The following CC2D2B variants were observed in gnomAD, a reference collection of about 807,000 sequenced individuals.
CC2D2B encodes the protein protein CC2D2B.
CC2D2B carries 128 observed loss-of-function variants against 161.2 expected under a neutral mutation model. The ratio of observed to expected loss-of-function variants is 0.79; its 90% confidence interval spans 0.69 to 0.92. The LOEUF is 0.92. CC2D2B is among the 40% of genes least tolerant of loss of function. The pLI is 0.00. For synonymous variants in CC2D2B, 391 were observed against 449.8 expected (o/e 0.87, Z 1.65); for missense variants, 1,173 against 1,375.1 (o/e 0.85, Z 2.32).
chr10:95,979,771 A>G (rs569344651), intron 17 of CC2D2B, among the ~76,000 whole-genome samples: 1 of 152,226 alleles, frequency 6.6e-6, no homozygotes, highest in Non-Finnish European at 1.5e-5. Flanking sequence ...ATGCAATGCA[A>G]TGGTTTTAAT....
intron 7 of CC2D2B, 82 bp downstream of exon 7, chr10:95,938,271 TA>T (rs2075897621): frequency 2.3e-6 from 2 of 880,288 alleles, no homozygotes; most frequent in South Asian, 3.4e-5. Context: ...GCTGGATAAA[TA>T]AAAAATACTG....
chr10:95,930,550 A>C (rs1446250540), intron 6 of CC2D2B, among the ~76,000 whole-genome samples: 6 of 152,144 alleles, frequency 3.9e-5, no homozygotes, highest in African/African-American at 1.4e-4. Flanking sequence ...AATAGCTCTT[A>C]TATACATTCC....
At chr10:95,935,523 C>T (rs1259322546) in intron 6 of CC2D2B, among the ~76,000 whole-genome samples, 3 of 150,310 alleles carry the variant, frequency 2.0e-5, no homozygotes, top group Non-Finnish European at 4.4e-5. Flanking sequence ...TAATGGTTTC[C>T]TACCTCATTC....
At chr10:95,975,112 A>G (rs910777574) in intron 17 of CC2D2B, among the ~76,000 whole-genome samples, 2 of 152,190 alleles carry the variant, frequency 1.3e-5, no homozygotes, top group African/African-American at 2.4e-5. Context: ...GGTACATGGG[A>G]ACTCTCTGTG....
chr10:95,955,054 G>T (rs1301385690), intron 10 of CC2D2B, among the ~76,000 whole-genome samples: 1 of 151,974 alleles, frequency 6.6e-6, no homozygotes, highest in African/African-American at 2.4e-5. Flanking sequence ...GTAACTATGG[G>T]ATTTTAGGTG....
intron 25 of CC2D2B, among the ~76,000 whole-genome samples, chr10:96,009,478 G>A (rs1389553383): frequency 7.2e-5 from 11 of 152,064 alleles, no homozygotes; most frequent in Admixed American, 7.2e-4. Context: ...ATTTGCCACA[G>A]ACTATCTGTA....
intron 2 of CC2D2B, among the ~76,000 whole-genome samples, chr10:95,918,659 C>G (rs774029873): frequency 1.3e-5 from 2 of 152,146 alleles, no homozygotes; most frequent in Non-Finnish European, 2.9e-5. Flanking sequence ...ACATCTTTCT[C>G]TAGGTTGGAA....
At position 95,951,905 on chromosome 10, in the gene CC2D2B, T is replaced by C. The variant is rs2076413819; in HGVS notation, c.1011+1800T>C. ...TCAGTGGATTTTTGCTTTTTTTCAATTTATTCTCTTATGTGAATGTAAACA... is the reference window on the plus strand; with the variant it reads ...TCAGTGGATTTTTGCTTTTTTTCAACTTATTCTCTTATGTGAATGTAAACA... On this transcript the variant is annotated intron_variant, in intron 10 of 34. Coordinates refer to ENST00000646931, the MANE Select transcript of CC2D2B (RefSeq NM_001349008.3). Among the ~76,000 whole-genome samples the C allele has an allele frequency of 2.6e-5, 4 of 152,350 alleles. 1 individual carries two copies. The highest frequency in any genetic ancestry group is 4.8e-5 in the African/African-American group (2 of 41,588).
intron 29 of CC2D2B, among the ~76,000 whole-genome samples, chr10:96,015,231 A>ATTTTT (rs58739011): frequency 0.23 from 25,082 of 110,676 alleles, 3,192 homozygotes; most frequent in Non-Finnish European, 0.29. Context: ...GGCCCAGCTA[A>ATTTTT]TTTTTTTTTT....
chr10:96,031,003 A>G (rs1292749168), intron 34 of CC2D2B, among the ~76,000 whole-genome samples: 1 of 152,166 alleles, frequency 6.6e-6, no homozygotes, highest in Non-Finnish European at 1.5e-5. Flanking sequence ...AAAAGTTATC[A>G]TTTTATCATT....
chr10:96,026,705 G>T (rs992843343), intron 33 of CC2D2B, among the ~76,000 whole-genome samples: 1 of 152,126 alleles, frequency 6.6e-6, no homozygotes, highest in Non-Finnish European at 1.5e-5. Flanking sequence ...GAGGCTTCTT[G>T]TCTTCCCAAG....
At chr10:96,018,888 C>T (rs992651810) in intron 30 of CC2D2B, 2 of 188,992 alleles carry the variant, frequency 1.1e-5, no homozygotes, top group Non-Finnish European at 2.2e-5. Flanking sequence ...GTCTCAACTC[C>T]TCAGGCTCAA....
At chr10:95,950,381 G>T (rs1300115736) in intron 10 of CC2D2B, 1 of 235,560 alleles carries the variant, frequency 4.2e-6, no homozygotes, top group Non-Finnish European at 8.1e-6. Flanking sequence ...TTAATGAAAA[G>T]AGCCATGTGG....
intron 24 of CC2D2B, among the ~76,000 whole-genome samples, chr10:96,003,257 A>C (rs768154033): frequency 6.6e-6 from 1 of 151,906 alleles, no homozygotes; most frequent in African/African-American, 2.4e-5. Context: ...GCTGAGAGTG[A>C]AAGTTCATTG....
intron 2 of CC2D2B, among the ~76,000 whole-genome samples, chr10:95,914,614 C>T (rs1481230954): frequency 6.6e-6 from 1 of 152,168 alleles, no homozygotes; most frequent in African/African-American, 2.4e-5. Context: ...CTCACAAGAT[C>T]TGATGGTTTT....
chr10:95,923,014 G>A (rs894407932), intron 3 of CC2D2B, among the ~76,000 whole-genome samples: 3 of 151,292 alleles, frequency 2.0e-5, no homozygotes, highest in African/African-American at 7.3e-5. Flanking sequence ...GTGCAATGGC[G>A]TGATCTCGGC....
At chr10:96,024,819 T>C in intron 32 of CC2D2B, 34 bp from the exon 33 acceptor site, 2 of 1,262,610 alleles carry the variant, frequency 1.6e-6, no homozygotes, top group South Asian at 1.3e-5. Flanking sequence ...ACATGGTCTC[T>C]AGAATCTATT....
At chr10:96,022,305 G>A (rs1486926299) in intron 32 of CC2D2B, among the ~76,000 whole-genome samples, 2 of 151,858 alleles carry the variant, frequency 1.3e-5, no homozygotes, top group Non-Finnish European at 2.9e-5. Context: ...CTGGGCAACA[G>A]AATGAGACTC....
rs1328027486 is a variant in CC2D2B at position 96,029,284 on chromosome 10, A to G, written c.4125+1895A>G. On this transcript the variant is annotated intron_variant, in intron 34 of 34. Transcript: ENST00000646931. ...TATATATATATATATATATATATAT[A>G]TGTATATATATATATATATATGTAT... Among the ~76,000 whole-genome samples the G allele has an allele frequency of 9.5e-4, 51 of 53,736 alleles. 1 individual carries two copies. Among genetic ancestry groups the G allele is most frequent in the South Asian group, 7.6e-3 (13 of 1,718 alleles). 35.3% of individuals were successfully genotyped at this position (53,736 alleles called of 152,430 possible). A position where few individuals can be genotyped will look rare whatever the true frequency, so the allele number is the denominator to read the frequency against.
Sources: gnomAD v4.1 joint callset for allele counts (sites outside exome capture counted in the v4.1 genomes callset) on GRCh38, gnomAD v4.1.1 for gene constraint, MANE v1.5 for transcripts, NCBI Gene and HGNC (gene_info 2026-07-23, HGNC 2026-07-21) for gene names.